SIRPB1: variants seen among roughly 807,000 people sequenced by gnomAD.
SIRPB1 encodes the protein signal-regulatory protein beta-1.
A neutral mutation model predicts 34.1 loss-of-function variants in SIRPB1; 28 were observed. The ratio of observed to expected loss-of-function variants is 0.82; its 90% CI spans 0.61 to 1.12. SIRPB1 has a LOEUF of 1.12. SIRPB1 is among the 50% of genes most tolerant of loss of function. The pLI is 0.00. For missense variants in SIRPB1, 499 were observed against 507.0 expected (o/e 0.98, Z 0.15); for synonymous variants, 211 against 203.8 (o/e 1.04, Z -0.30).
Position 1,570,910 on chromosome 20 carries a change from C to T in SIRPB1, c.979G>A (p.Val327Met). The T allele has an allele frequency of 6.2e-7, 1 of 1,614,192 alleles. No individual in the cohort carries two copies. The highest frequency in any genetic ancestry group is 8.5e-7 in the Non-Finnish European group (1 of 1,180,012). The change falls in exon 4 of 6, where the codon GTG (valine) becomes ATG (methionine). Residue 327 changes from valine (V) to methionine (M), a missense_variant. Val to Met is a conservative substitution (Grantham distance 21). Transcript: ENST00000381605. ...VNTCAHRDDVVLTCQVEHDGQ... is the reference protein window; with the variant it reads ...VNTCAHRDDVMLTCQVEHDGQ... The stretch of plus-strand genomic sequence containing the variant: ...TCATGCTCCACCTGACAGGTGAGCA[C>T]CACATCGTCCCTGTGGGCACAGGTG...
In SIRPB1 at chr20:1,566,133, C is replaced by G; in HGVS notation, c.*2+20G>C. 4 of 1,518,856 alleles carry G rather than the reference C, an allele frequency of 2.6e-6. No individual in the cohort carries two copies. The highest frequency in any genetic ancestry group is 3.6e-6 in the Non-Finnish European group (4 of 1,105,036). 94.1% of individuals were successfully genotyped at this position (1,518,856 alleles called of 1,614,324 possible). On this transcript the variant is annotated intron_variant, in intron 5 of 5. Coordinates refer to ENST00000381605, the MANE Select transcript of SIRPB1 (RefSeq NM_006065.5). ...CTTTCTGGAGGAGCCCTTGGTCAGTCCTCCCTCTCCTAAACTTACAGTCAG... is the reference window on the plus strand; with the variant it reads ...CTTTCTGGAGGAGCCCTTGGTCAGTGCTCCCTCTCCTAAACTTACAGTCAG...
rs2091088398 is a variant in SIRPB1, at chr20:1,562,262, G to GT, written c.*3237_*3238insA. Among the ~76,000 whole-genome samples the GT allele has an allele frequency of 7.2e-5, 11 of 152,266 alleles. No homozygotes were observed. In the South Asian group the frequency reaches 2.1e-3, roughly 29 times the overall value. On this transcript the variant is annotated 3_prime_UTR_variant, in exon 6 of 6. Transcript: ENST00000381605. ...GAAGAGAGAGTAGTCTTTAAAGAAA[G>GT]AGCTTGAGAATACAGCACACAAGCC...
At chr20:1,570,437 TA>T in intron 4 of SIRPB1, 1 of 182,076 alleles carries the variant, frequency 5.5e-6, no homozygotes, top group Non-Finnish European at 1.2e-5. Flanking sequence ...TTAGAAAGTG[TA>T]AAAGGCAAGG....
At chr20:1,567,912 C>G (rs1669302454) in intron 4 of SIRPB1, among the ~76,000 whole-genome samples, 1 of 152,126 alleles carries the variant, frequency 6.6e-6, no homozygotes, top group Non-Finnish European at 1.5e-5. Flanking sequence ...TTTCTTGGAG[C>G]CACAGGGCAG....
intron 1 of SIRPB1, among the ~76,000 whole-genome samples, chr20:1,617,494 A>C (rs1319010400): frequency 1.3e-5 from 2 of 152,254 alleles, no homozygotes; most frequent in African/African-American, 4.8e-5. Flanking sequence ...TTGAACTCAT[A>C]GAAGTAGATA....
At chr20:1,567,254 A>G (rs1337667526) in intron 4 of SIRPB1, among the ~76,000 whole-genome samples, 4 of 152,062 alleles carry the variant, frequency 2.6e-5, no homozygotes, top group African/African-American at 9.7e-5. Context: ...GCACTGCCCA[A>G]GTTTATTCCT....
At chr20:1,567,095 A>AT (rs200219407) in intron 4 of SIRPB1, among the ~76,000 whole-genome samples, 15,907 of 151,950 alleles carry the variant, frequency 0.1, 1,053 homozygotes, top group Middle Eastern at 0.14. Context: ...TATTAAAAAA[A>AT]ATTTTTTTTA....
chr20:1,566,534 G>A (rs1272951406), intron 4 of SIRPB1, among the ~76,000 whole-genome samples: 1 of 152,210 alleles, frequency 6.6e-6, no homozygotes, highest in East Asian at 1.9e-4. Flanking sequence ...ATTCATATAT[G>A]TGGCAACTGG....
At chr20:1,565,858 TA>T (rs2091121810) in intron 5 of SIRPB1, among the ~76,000 whole-genome samples, 1 of 151,936 alleles carries the variant, frequency 6.6e-6, no homozygotes, top group Non-Finnish European at 1.5e-5. Flanking sequence ...GGCCCTCACT[TA>T]GACCCCTCTG....
rs1209343664 is a variant in SIRPB1 at position 1,609,546 on chromosome 20, A to C, written c.76+10323T>G. Reference sequence around the variant, plus strand: ...GCACCCTCACAAATCCTTCTCTAAGAATTAATCTCCTTCCTCCTTCTTGTA... The same window carrying C: ...GCACCCTCACAAATCCTTCTCTAAGCATTAATCTCCTTCCTCCTTCTTGTA... On this transcript the variant is annotated intron_variant, in intron 1 of 5. Transcript: ENST00000381605. Among the ~76,000 whole-genome samples the C allele has an allele frequency of 2.8e-5, 2 of 71,888 alleles. 1 individual carries two copies. The highest frequency in any genetic ancestry group is 1.8e-4 in the African/African-American group (2 of 11,236). 47.2% of individuals were successfully genotyped at this position (71,888 alleles called of 152,430 possible). A position where few individuals can be genotyped will look rare whatever the true frequency, so the allele number is the denominator to read the frequency against.
At chr20:1,578,999 T>C (rs1568692285) in intron 1 of SIRPB1, among the ~76,000 whole-genome samples, 1 of 148,182 alleles carries the variant, frequency 6.7e-6, no homozygotes, top group African/African-American at 2.5e-5. Flanking sequence ...CTGCCCAGGC[T>C]GGAGTGCAGT....
At position 1,578,340 on chromosome 20, in the gene SIRPB1, C is replaced by T. The variant is rs201638914; in HGVS notation, c.431G>A (p.Arg144His). 2.4e-4 allele frequency: 373 copies of T among 1,583,202 alleles called. 28 individuals carry two copies. The highest frequency in any genetic ancestry group is 6.0e-4 in the South Asian group (54 of 90,486). Residue 144 changes from arginine (R) to histidine (H), a missense_variant and splice_region_variant, in exon 2 of 6, where the codon CGC becomes CAC. Physicochemically the swap from Arg to His is conservative, Grantham distance 29 (BLOSUM62 0). Transcript: ENST00000381605. The part of the protein sequence containing the change: ...KSGAGTELSV[R>H]AKPSAPVVSG... ...AAGGAGGCCCACGCTGTACTCACCG[C>T]GCACAGACAGCTCAGTGCCTGCTCC...
intron 1 of SIRPB1, among the ~76,000 whole-genome samples, chr20:1,614,305 G>T (rs1467853064): frequency 6.6e-6 from 1 of 152,184 alleles, no homozygotes; most frequent in Non-Finnish European, 1.5e-5. Flanking sequence ...GTTGTATGAA[G>T]AAATAAAGAT....
chr20:1,566,782 A>T (rs1252003785), intron 4 of SIRPB1, among the ~76,000 whole-genome samples: 1 of 152,074 alleles, frequency 6.6e-6, no homozygotes, highest in Admixed American at 6.5e-5. Context: ...TCAGAGTGAG[A>T]GAGTTGCATG....
intron 1 of SIRPB1, among the ~76,000 whole-genome samples, chr20:1,614,654 G>C (rs1322021392): frequency 6.6e-6 from 1 of 151,958 alleles, no homozygotes; most frequent in Non-Finnish European, 1.5e-5. Context: ...TCTAGGAACT[G>C]TGAGTATGCC....
In SIRPB1 at chr20:1,582,807, T is replaced by C. The variant is rs1256847144; in HGVS notation, c.77-4113A>G. Among the ~76,000 whole-genome samples, 3 of 49,370 alleles carry C rather than the reference T, an allele frequency of 6.1e-5. 1 individual carries two copies. The highest frequency in any genetic ancestry group is 1.2e-4 in the Non-Finnish European group (3 of 25,570). 32.4% of individuals were successfully genotyped at this position (49,370 alleles called of 152,430 possible). ...TAAACACACACTTGATTTTCACTTA[T>C]CGCTGTCTAATATACTATTTTATTT... On this transcript the variant is annotated intron_variant, in intron 1 of 5. Transcript: ENST00000381605.
At chr20:1,566,657 C>A (rs1476966712) in intron 4 of SIRPB1, among the ~76,000 whole-genome samples, 1 of 152,126 alleles carries the variant, frequency 6.6e-6, no homozygotes, top group Non-Finnish European at 1.5e-5. Flanking sequence ...GGATCCAAAC[C>A]TAGGGAAGCC....
At chr20:1,570,566 T>G in intron 4 of SIRPB1, 1 of 416,646 alleles carries the variant, frequency 2.4e-6, no homozygotes, top group Non-Finnish European at 4.2e-6. Context: ...TCTATCAAGT[T>G]GTGCATCAGA....
Position 1,564,062 on chromosome 20 carries a change from T to C in SIRPB1, c.*1438A>G, listed in dbSNP as rs967606922. ...CTCTCAATGTTTCTAATGCTTTGAA[T>C]TGTAGTGCACAAATAAATATTTATT... On this transcript the variant is annotated 3_prime_UTR_variant, in exon 6 of 6. Transcript: ENST00000381605. The C allele has an allele frequency of 1.3e-5, 2 of 152,256 alleles. No individual in the cohort carries two copies. Among genetic ancestry groups the C allele is most frequent in the Admixed American group, 6.5e-5 (1 of 15,288 alleles). The allele number at this position is 152,256 out of a possible 1,614,324, so 9.4% of individuals were successfully genotyped here.
Sources: allele counts gnomAD v4.1 joint callset (sites outside exome capture counted in the v4.1 genomes callset), GRCh38; gene constraint gnomAD v4.1.1; transcripts MANE v1.5; gene names NCBI Gene and HGNC (gene_info 2026-07-23, HGNC 2026-07-21).